Variants in PAXIP1 observed in about 807,000 individuals in gnomAD.
PAXIP1 encodes PAX interacting protein 1.
Under a neutral mutation model 140.6 loss-of-function variants are expected in PAXIP1, and 19 were observed. The ratio of observed to expected loss-of-function variants is 0.14; its 90% CI spans 0.09 to 0.20. The LOEUF is 0.20. Among genes scored for constraint, PAXIP1 ranks in the 10% least tolerant of loss-of-function variants. The pLI is 1.00. For synonymous variants in PAXIP1, 442 were observed against 444.6 expected (o/e 0.99, Z 0.07); for missense variants, 920 against 1,208.6 (o/e 0.76, Z 3.54).
intron 4 of PAXIP1, among the ~76,000 whole-genome samples, chr7:154,984,980 G>C (rs1175451150): frequency 6.6e-6 from 1 of 152,150 alleles, no homozygotes; most frequent in Non-Finnish European, 1.5e-5. Context: ...GAATGGAGGA[G>C]ACCTGGCATT....
chr7:154,993,970 T>A (rs1458359601), intron 2 of PAXIP1, among the ~76,000 whole-genome samples: 3 of 152,218 alleles, frequency 2.0e-5, no homozygotes, highest in African/African-American at 7.2e-5. Context: ...AATTACAGAA[T>A]GAAGCACTAC....
chr7:154,945,518 T>C, intron 20 of PAXIP1: 1 of 985,412 alleles, frequency 1.0e-6, no homozygotes, highest in Non-Finnish European at 1.2e-6. Flanking sequence ...TGCGCCTTAC[T>C]GAAGCAGTCC....
rs1176417550 is a variant in PAXIP1 at position 155,002,939 on chromosome 7, G to A, written c.-10C>T. On this transcript the variant is annotated 5_prime_UTR_variant, in exon 1 of 21. Transcript: ENST00000404141. The stretch of plus-strand genomic sequence containing the variant: ...GCGCCTGGTCCGACATGATCGCGGC[G>A]GCCCGGGAGGCTCCGCGGCGGCGCC... 7.9e-7 allele frequency: 1 copy of A among 1,261,700 alleles called. No homozygotes were observed. The allele number at this position is 1,261,700 out of a possible 1,614,324, so 78.2% of individuals were successfully genotyped here.
intron 13 of PAXIP1, 59 bp downstream of exon 13, chr7:154,959,831 T>C: frequency 9.8e-7 from 1 of 1,023,216 alleles, no homozygotes; most frequent in Non-Finnish European, 1.5e-6. Flanking sequence ...GACAAATACA[T>C]CCCTACTGCA....
chr7:154,998,681 G>A lies in PAXIP1; in HGVS notation c.185C>T (p.Ala62Val). The change falls in exon 2 of 21, where the codon GCT becomes GTT. Residue 62 changes from alanine (A) to valine (V), a missense_variant. Ala to Val is a moderately conservative substitution (Grantham distance 64). Coordinates refer to ENST00000404141, the MANE Select transcript of PAXIP1 (RefSeq NM_007349.4). ...EDGDNPEVGEAREVFDLPVVK... is the reference protein window; with the variant it reads ...EDGDNPEVGEVREVFDLPVVK... ...AACAGGTAAGTCAAAGACTTCCCGA[G>A]CTTCTCCCACCTCTGGATTGTCCCC... 6.2e-7 allele frequency: 1 copy of A among 1,613,580 alleles called. No individual in the cohort carries two copies. Among genetic ancestry groups the A allele is most frequent in the Non-Finnish European group, 8.5e-7 (1 of 1,179,602 alleles).
intron 16 of PAXIP1, chr7:154,948,660 C>T (rs910042876): frequency 6.6e-6 from 1 of 151,734 alleles, no homozygotes; most frequent in South Asian, 2.1e-4. Flanking sequence ...CTTTACCCCC[C>T]GACTATTTTA....
At chr7:155,002,117 T>C (rs2150793968) in intron 1 of PAXIP1, 1 of 152,376 alleles carries the variant, frequency 6.6e-6, no homozygotes, top group Non-Finnish European at 1.5e-5. Context: ...CTGTGTGACA[T>C]CAAACAGATA....
rs200719975 is a variant in PAXIP1 at position 154,962,455 on chromosome 7, T to C, written c.1993A>G (p.Ile665Val). The C allele has an allele frequency of 4.1e-5, 66 of 1,612,184 alleles. No individual in the cohort carries two copies. In the African/African-American group the frequency reaches 7.3e-4, roughly 18 times the overall value. Reference protein sequence around the residue: ...SQVSSAYAQAIRERKRCVTAH... With the variant: ...SQVSSAYAQAVRERKRCVTAH... ...GTAACACATCTCTTTCTTTCTCTTA[T>C]TGCCTGTCAAACATAAAATTATAGG... Residue 665 changes from isoleucine (I) to valine (V), a missense_variant, in exon 10 of 21, where the codon ATA (isoleucine) becomes GTA (valine). By Grantham distance (29) the Ile-to-Val change is conservative (BLOSUM62 3). Around this residue, in one of 5 missense-constraint regions of PAXIP1, gnomAD observed 303 missense variants for 517.9 expected, o/e 0.59. Transcript: ENST00000404141.
chr7:154,945,951 A>G (rs1807952334), intron 20 of PAXIP1: 1 of 985,250 alleles, frequency 1.0e-6, no homozygotes, highest in South Asian at 4.7e-5. Context: ...TTTAGTAGTA[A>G]TTTATCTCCC....
intron 13 of PAXIP1, among the ~76,000 whole-genome samples, chr7:154,957,827 C>A (rs932199346): frequency 3.4e-4 from 51 of 151,356 alleles, no homozygotes; most frequent in African/African-American, 1.1e-3. Context: ...ATTAGCCGGG[C>A]GCGGTGGCAG....
At position 154,960,954 on chromosome 7, in the gene PAXIP1, G is replaced by A; in HGVS notation, c.2373C>T (p.Tyr791=). 2 of 1,604,882 alleles carry A rather than the reference G, an allele frequency of 1.2e-6. No individual in the cohort carries two copies. Among genetic ancestry groups the A allele is most frequent in the Non-Finnish European group, 8.5e-7 (1 of 1,175,328 alleles). The change falls in exon 12 of 21, where the codon TAC becomes TAT. Residue 791 remains tyrosine (Y), a synonymous_variant. Coordinates refer to ENST00000404141, the MANE Select transcript of PAXIP1 (RefSeq NM_007349.4). The part of the protein sequence containing the change: ...EALRQIQYSR[Y]TAFSLQDPFA... ...ATGGATCCTGCAGACTGAATGCCGT[G>A]TAGCGACTATACTGAATCTGCCTCA...
At chr7:154,955,726 G>T in intron 14 of PAXIP1, 95 bp from the exon 15 acceptor site, 1 of 611,552 alleles carries the variant, frequency 1.6e-6, no homozygotes, top group East Asian at 3.1e-5. Flanking sequence ...AGTTTAACAA[G>T]CTTTAACTGC....
Position 154,973,802 on chromosome 7 carries a change from G to A in PAXIP1, c.1074+1894C>T, listed in dbSNP as rs1026235512. ...AACATCAAGCCTTTCCACTGAAAGT[G>A]GATGTGGAGAATACTGGATCCGGCT... On this transcript the variant is annotated intron_variant, in intron 6 of 20. Transcript: ENST00000404141. The surrounding 1 kb of genome is among the most constrained non-coding windows in gnomAD (Gnocchi z 4.0). 6.6e-6 allele frequency among the ~76,000 whole-genome samples: 1 copy of A among 152,210 alleles called. No individual in the cohort carries two copies.
At chr7:154,953,810 C>A (rs1808389254) in intron 16 of PAXIP1, among the ~76,000 whole-genome samples, 1 of 152,126 alleles carries the variant, frequency 6.6e-6, no homozygotes, top group Non-Finnish European at 1.5e-5. Context: ...TCTTTGGGGG[C>A]TCTGAACAAT....
chr7:154,946,080 TTTATC>T lies in PAXIP1; in HGVS notation c.3194+280_3194+284del. On this transcript the variant is annotated intron_variant, in intron 20 of 20. Transcript: ENST00000404141. The surrounding 1 kb of genome is among the most constrained non-coding windows in gnomAD (Gnocchi z 4.9). ...ATTTATTTTTGCAATTATTTTCTAT[TTTATC>T]TAATTGTCAAATTCTTTAATACCTC... is the stretch of plus-strand genomic sequence containing the variant. The T allele has an allele frequency of 1.0e-6, 1 of 975,782 alleles. No individual in the cohort carries two copies. Among genetic ancestry groups the T allele is most frequent in the Non-Finnish European group, 1.2e-6 (1 of 821,150 alleles). 60.4% of individuals were successfully genotyped at this position (975,782 alleles called of 1,614,324 possible).
Position 154,971,095 on chromosome 7 carries a change from C to T in PAXIP1, c.1075-1969G>A, listed in dbSNP as rs148084380. Reference sequence around the variant, plus strand: ...CAGGACAGCACAGAGGCCAGAGGCTCCTATTTTTCAGATTGGCCAAGAGGA... The same window carrying T: ...CAGGACAGCACAGAGGCCAGAGGCTTCTATTTTTCAGATTGGCCAAGAGGA... On this transcript the variant is annotated intron_variant, in intron 6 of 20. Coordinates refer to ENST00000404141, the MANE Select transcript of PAXIP1 (RefSeq NM_007349.4). Among the ~76,000 whole-genome samples, 35 of 152,282 alleles carry T rather than the reference C, an allele frequency of 2.3e-4. No individual in the cohort carries two copies. The Middle Eastern group carries it at 0.02, about 89-fold the overall frequency.
At chr7:154,947,010 T>G in intron 17 of PAXIP1, 197 bp from the exon 18 acceptor site, 1 of 488,966 alleles carries the variant, frequency 2.0e-6, no homozygotes, top group Non-Finnish European at 3.6e-6. Context: ...ATGTAAGCAT[T>G]TTCACATGTT....
intron 16 of PAXIP1, chr7:154,948,687 T>G (rs1377155019): frequency 6.6e-6 from 1 of 151,714 alleles, no homozygotes; most frequent in East Asian, 1.9e-4. Flanking sequence ...TCACCAACTT[T>G]CCAAGCCCGC....
At position 154,967,891 on chromosome 7, in the gene PAXIP1, T is replaced by A; in HGVS notation, c.1818A>T (p.Leu606Phe). 1 of 1,612,506 alleles carries A rather than the reference T, an allele frequency of 6.2e-7. No homozygotes were observed. The highest frequency in any genetic ancestry group is 2.2e-5 in the East Asian group (1 of 44,868). ...CCGCAATTGCAAACACACATCCCAA[T>A]AAGAAGCCTTCTTCTGGAACTAGAG... is the stretch of plus-strand genomic sequence containing the variant. ...PAVEIPEEGF[L>F]LGCVFAIADY... The change falls in exon 8 of 21, where the codon TTA becomes TTT. Residue 606 changes from leucine (L) to phenylalanine (F), a missense_variant. Around this residue, in one of 5 missense-constraint regions of PAXIP1, gnomAD observed 62 missense variants for 69.0 expected, o/e 0.90. Transcript: ENST00000404141.
Sources: allele counts gnomAD v4.1 joint callset (sites outside exome capture counted in the v4.1 genomes callset), GRCh38; gene constraint gnomAD v4.1.1; regional missense constraint gnomAD v4.1.1; non-coding constraint Gnocchi (gnomAD v3.1); transcripts MANE v1.5; gene names NCBI Gene and HGNC (gene_info 2026-07-23, HGNC 2026-07-21).